Variants in FRMD4A observed in about 807,000 individuals in gnomAD.
FRMD4A encodes the protein FERM domain containing 4A.
In FRMD4A, 29 loss-of-function variants were observed where a neutral mutation model predicts 129.1. That is an observed-to-expected ratio of 0.22 (90% confidence interval 0.17 to 0.31). The LOEUF (loss-of-function observed/expected upper bound fraction) is 0.31. FRMD4A is among the 10% of genes least tolerant of loss of function. The pLI, the probability that FRMD4A is intolerant of heterozygous loss-of-function variation, is 1.00. For synonymous variants in FRMD4A, 634 were observed against 571.6 expected, an observed-to-expected ratio of 1.11 and a Z score of -1.56; for missense variants, 1,272 against 1,375.8, an observed-to-expected ratio of 0.92 and a Z score of 1.19.
chr10:13,725,377 C>T (rs1276195966), intron 12 of FRMD4A, among the ~76,000 whole-genome samples: 2 of 152,162 alleles, frequency 1.3e-5, no homozygotes, highest in Non-Finnish European at 2.9e-5. Flanking sequence ...CTTGAGTGTA[C>T]CCCTTCCAGG....
intron 2 of FRMD4A, among the ~76,000 whole-genome samples, chr10:14,004,691 T>C (rs980863584): frequency 1.3e-5 from 2 of 152,228 alleles, no homozygotes; most frequent in Admixed American, 6.5e-5. Context: ...TTTTTGGTGA[T>C]CCTTTACAAG....
At chr10:14,272,662 C>G (rs1233577220) in intron 2 of FRMD4A, among the ~76,000 whole-genome samples, 1 of 152,194 alleles carries the variant, frequency 6.6e-6, no homozygotes, top group Non-Finnish European at 1.5e-5. Context: ...GGAAGCATAA[C>G]AACCTAGTGC....
intron 2 of FRMD4A, among the ~76,000 whole-genome samples, chr10:14,251,039 C>T (rs1367502720): frequency 1.3e-5 from 2 of 152,100 alleles, no homozygotes; most frequent in African/African-American, 4.8e-5. Context: ...CCAAAGGGAA[C>T]AGCCAAAAAT....
intron 2 of FRMD4A, among the ~76,000 whole-genome samples, chr10:13,884,122 T>TCACC (rs2094578715): frequency 0.01 from 798 of 78,238 alleles, 22 homozygotes; most frequent in African/African-American, 0.038. Flanking sequence ...ACACACACAC[T>TCACC]CACACACACG....
chr10:14,300,026 C>T (rs1054231493), intron 2 of FRMD4A, among the ~76,000 whole-genome samples: 13 of 151,780 alleles, frequency 8.6e-5, no homozygotes, highest in Non-Finnish European at 1.3e-4. Context: ...CAAATTTCTC[C>T]CCAGAATCCA....
chr10:13,686,623 T>C (rs1447957060), intron 15 of FRMD4A, among the ~76,000 whole-genome samples: 2 of 152,038 alleles, frequency 1.3e-5, no homozygotes, highest in East Asian at 3.8e-4. Flanking sequence ...GCAAGTTTTG[T>C]TTCATTTCTC....
chr10:14,130,746 C>A (rs10906609), intron 2 of FRMD4A, among the ~76,000 whole-genome samples: 48,820 of 152,048 alleles, frequency 0.32, 8,053 homozygotes, highest in East Asian at 0.51. Flanking sequence ...AGGCATTGCT[C>A]CCTATCTGCG....
chr10:13,902,488 A>AGT, intron 2 of FRMD4A, among the ~76,000 whole-genome samples: 1 of 151,672 alleles, frequency 6.6e-6, no homozygotes, highest in South Asian at 2.1e-4. Context: ...AGAGAGAGAG[A>AGT]GAGTGACAGA....
chr10:13,644,493 T>C lies in FRMD4A; in HGVS notation c.*2545A>G, dbSNP rs190362560. ...GACTACCAGACTATCATGATGTTTGTTGGAACTGTAATTCCTGCTCTCCAT... is the reference window on the plus strand; with the variant it reads ...GACTACCAGACTATCATGATGTTTGCTGGAACTGTAATTCCTGCTCTCCAT... On this transcript the variant is annotated 3_prime_UTR_variant, in exon 25 of 25. Transcript: ENST00000357447. 4 of 152,372 alleles carry C rather than the reference T, an allele frequency of 2.6e-5. No individual in the cohort carries two copies. Among genetic ancestry groups the C allele is most frequent in the South Asian group, 4.1e-4 (2 of 4,832 alleles). The allele number at this position is 152,372 out of a possible 1,614,324, so 9.4% of individuals were successfully genotyped here.
intron 2 of FRMD4A, among the ~76,000 whole-genome samples, chr10:14,004,934 ACTT>A (rs918107466): frequency 1.3e-5 from 2 of 151,948 alleles, no homozygotes; most frequent in African/African-American, 4.8e-5. Flanking sequence ...TATTATACTG[ACTT>A]CTAATTGTTT....
intron 2 of FRMD4A, among the ~76,000 whole-genome samples, chr10:14,181,635 T>C (rs143554947): frequency 1.4e-3 from 212 of 152,346 alleles, no homozygotes; most frequent in African/African-American, 4.8e-3. Flanking sequence ...AAATTGCACA[T>C]ATTTCTGGTA....
At chr10:14,194,427 G>A (rs1842412015) in intron 2 of FRMD4A, among the ~76,000 whole-genome samples, 1 of 152,156 alleles carries the variant, frequency 6.6e-6, no homozygotes, top group South Asian at 2.1e-4. Context: ...TGGCTAACAC[G>A]GTGAAACCCC....
At chr10:13,687,706 G>A (rs2085227699) in intron 15 of FRMD4A, among the ~76,000 whole-genome samples, 1 of 152,160 alleles carries the variant, frequency 6.6e-6, no homozygotes, top group African/African-American at 2.4e-5. Context: ...CTACAAATGT[G>A]GAAGCAATCA....
At chr10:14,014,582 G>A (rs976489535) in intron 2 of FRMD4A, among the ~76,000 whole-genome samples, 8 of 152,134 alleles carry the variant, frequency 5.3e-5, no homozygotes, top group African/African-American at 1.7e-4. Flanking sequence ...TAGACAAACA[G>A]AAAGGCTGCC....
chr10:13,669,085 A>G (rs1430532937), intron 17 of FRMD4A, among the ~76,000 whole-genome samples: 4 of 47,150 alleles, frequency 8.5e-5, no homozygotes, highest in African/African-American at 3.3e-4. Flanking sequence ...TTTTTTTTTG[A>G]GACAGGGTCT....
At chr10:13,805,563 C>T (rs1321669877) in intron 4 of FRMD4A, among the ~76,000 whole-genome samples, 2 of 152,068 alleles carry the variant, frequency 1.3e-5, no homozygotes, top group African/African-American at 4.8e-5. Flanking sequence ...ATCATTAATT[C>T]AACTTGGGTG....
At chr10:14,011,511 C>A (rs2095682280) in intron 2 of FRMD4A, among the ~76,000 whole-genome samples, 1 of 152,164 alleles carries the variant, frequency 6.6e-6, no homozygotes, top group South Asian at 2.1e-4. Context: ...GGAGAAATGC[C>A]TGGCCCTTCT....
intron 9 of FRMD4A, among the ~76,000 whole-genome samples, chr10:13,746,446 C>G (rs1258961053): frequency 6.6e-6 from 1 of 152,046 alleles, no homozygotes; most frequent in Non-Finnish European, 1.5e-5. Flanking sequence ...ATCTCCTGAC[C>G]TTGTGATCTG....
intron 2 of FRMD4A, among the ~76,000 whole-genome samples, chr10:14,022,338 G>C (rs1279783367): frequency 6.6e-6 from 1 of 152,130 alleles, no homozygotes; most frequent in African/African-American, 2.4e-5. Context: ...ATGAGAAGAG[G>C]CTCGCTGTCT....
Sources: gnomAD v4.1 joint callset for allele counts (sites outside exome capture counted in the v4.1 genomes callset) on GRCh38, gnomAD v4.1.1 for gene constraint, MANE v1.5 for transcripts, NCBI Gene and HGNC (gene_info 2026-07-23, HGNC 2026-07-21) for gene names.